The following EPN3 variants were observed in gnomAD, a reference collection of about 807,000 sequenced individuals.
The protein encoded by EPN3 is epsin-3.
Under a neutral mutation model 55.5 loss-of-function variants are expected in EPN3, and 56 were observed. That is an observed-to-expected ratio of 1.01 (90% CI 0.81 to 1.26). The LOEUF (loss-of-function observed/expected upper bound fraction) is 1.26, where lower values mean the gene tolerates loss of function less well. EPN3 is among the 50% of genes most tolerant of loss of function. The pLI, the probability that EPN3 is intolerant of heterozygous loss-of-function variation, is 0.00. For synonymous variants in EPN3, 449 were observed against 375.2 expected, an observed-to-expected ratio of 1.20 and a Z score of -2.27; for missense variants, 927 against 853.4, an observed-to-expected ratio of 1.09 and a Z score of -1.07.
At chr17:50,539,482 G>T (rs1264083381) in intron 5 of EPN3, among the ~76,000 whole-genome samples, 167 bp downstream of exon 5, 1 of 152,194 alleles carries the variant, frequency 6.6e-6, no homozygotes. Context: ...GCATGGGCTG[G>T]TGACTGAGTT....
intron 6 of EPN3, 56 bp from the exon 7 acceptor site, chr17:50,540,737 C>T: frequency 5.9e-6 from 9 of 1,528,096 alleles, no homozygotes; most frequent in Non-Finnish European, 7.9e-6. Flanking sequence ...TGGGAAGGGC[C>T]CTGGGCGAGG....
At chr17:50,535,889 A>C (rs1444151587) in intron 1 of EPN3, 1 of 152,328 alleles carries the variant, frequency 6.6e-6, no homozygotes. Context: ...GGCCGAGCAG[A>C]AGCAAGGCAA....
intron 5 of EPN3, among the ~76,000 whole-genome samples, chr17:50,539,707 T>C (rs543749486): frequency 6.6e-6 from 1 of 152,304 alleles, no homozygotes; most frequent in African/African-American, 2.4e-5. Context: ...CACATGGTGC[T>C]GAAAACACCT....
chr17:50,539,343 T>C (rs754068441), intron 5 of EPN3, 28 bp downstream of exon 5: 4 of 1,613,264 alleles, frequency 2.5e-6, no homozygotes, highest in South Asian at 1.1e-5. Context: ...GTGCTTGGGA[T>C]GGACAGGGCC....
At chr17:50,539,438 A>G (rs2034814498) in intron 5 of EPN3, 123 bp downstream of exon 5, 4 of 1,425,214 alleles carry the variant, frequency 2.8e-6, no homozygotes, top group African/African-American at 1.4e-5. Flanking sequence ...TCGATGAAAT[A>G]GGGGTGGGGG....
rs2034865994 is a variant in EPN3 at position 50,542,722 on chromosome 17, ATTG to A, written c.*568_*570del. 1 of 152,484 alleles carries A rather than the reference ATTG, an allele frequency of 6.6e-6. No homozygotes were observed. The allele number at this position is 152,484 out of a possible 1,614,324, so 9.4% of individuals were successfully genotyped here. A position where few individuals can be genotyped will look rare whatever the true frequency, so the allele number is the denominator to read the frequency against. Reference sequence around the variant, plus strand: ...GCAACGACTCTCTGAGGTAGAAAATATTGTTAATTCCGTTCAGGATCCCGGCTA... The same window carrying A: ...GCAACGACTCTCTGAGGTAGAAAATATTAATTCCGTTCAGGATCCCGGCTA... On this transcript the variant is annotated 3_prime_UTR_variant, in exon 10 of 10. Coordinates refer to ENST00000268933, the MANE Select transcript of EPN3 (RefSeq NM_017957.3).
At chr17:50,533,501 G>GTGGGC (rs2034709642) in intron 1 of EPN3, among the ~76,000 whole-genome samples, 1 of 152,212 alleles carries the variant, frequency 6.6e-6, no homozygotes, top group Non-Finnish European at 1.5e-5. Context: ...GGAAGAGGGT[G>GTGGGC]TGGGCTGGGC....
chr17:50,533,931 G>T (rs543618500), intron 1 of EPN3, among the ~76,000 whole-genome samples: 1 of 152,132 alleles, frequency 6.6e-6, no homozygotes, highest in East Asian at 1.9e-4. Context: ...TGCTGCTACC[G>T]CCACCGCCTT....
At position 50,542,000 on chromosome 17, in the gene EPN3, T is replaced by C; in HGVS notation, c.1742T>C (p.Leu581Pro). The change falls in exon 10 of 10, where the codon CTC (leucine) becomes CCC (proline). Residue 581 changes from leucine (L) to proline (P), a missense_variant. Transcript: ENST00000268933. ...GSMTYSASLP[L>P]PLSSVPAGLT... ...ATGACCTACAGCGCCTCTCTGCCCCTCCCGCTCAGCAGCGTGCCAGCTGGC... is the reference window on the plus strand; with the variant it reads ...ATGACCTACAGCGCCTCTCTGCCCCCCCCGCTCAGCAGCGTGCCAGCTGGC... The C allele has an allele frequency of 6.3e-7, 1 of 1,598,136 alleles. No homozygotes were observed. Among genetic ancestry groups the C allele is most frequent in the African/African-American group, 1.3e-5 (1 of 74,892 alleles).
intron 9 of EPN3, 61 bp from the exon 10 acceptor site, chr17:50,541,783 C>T (rs1217430097): frequency 3.7e-6 from 6 of 1,608,752 alleles, no homozygotes; most frequent in Admixed American, 3.3e-5. Context: ...TCCCAACTTC[C>T]ACGACCTCCC....
Position 50,541,244 on chromosome 17 carries a change from T to C in EPN3, c.1265T>C (p.Phe422Ser), listed in dbSNP as rs1026047392. The C allele has an allele frequency of 5.6e-6, 9 of 1,613,656 alleles. No individual in the cohort carries two copies. The highest frequency in any genetic ancestry group is 6.8e-6 in the Non-Finnish European group (8 of 1,179,982). ...TSDTPGGAST[F>S]DPFAKPPEST... Reference sequence around the variant, plus strand: ...CTCTTCCGAGGTGGTGCCTCGACCTTTGACCCATTTGCCAAACCTCCAGAA... The same window carrying C: ...CTCTTCCGAGGTGGTGCCTCGACCTCTGACCCATTTGCCAAACCTCCAGAA... Residue 422 changes from phenylalanine to serine, a missense_variant, in exon 8 of 10, where the codon TTT becomes TCT. Physicochemically the swap from Phe to Ser is radical, Grantham distance 155. Transcript: ENST00000268933.
chr17:50,540,638 C>T (rs980952662), intron 6 of EPN3, among the ~76,000 whole-genome samples, 155 bp from the exon 7 acceptor site: 2 of 152,220 alleles, frequency 1.3e-5, no homozygotes, highest in Non-Finnish European at 2.9e-5. Flanking sequence ...GGTCACTTGT[C>T]AAATAGGGGC....
At chr17:50,538,220 C>G (rs373068153) in intron 3 of EPN3, 23 bp downstream of exon 3, 3 of 1,583,228 alleles carry the variant, frequency 1.9e-6, no homozygotes, top group Non-Finnish European at 1.7e-6. Flanking sequence ...AGCCCCACTG[C>G]GGTGGGGAGG....
At position 50,540,919 on chromosome 17, in the gene EPN3, C is replaced by T; in HGVS notation, c.1106C>T (p.Ser369Phe). ...TGGGATCTGACTCCCATGCTCTCCTCCTCTGAGCCCTGGGGCAGGACCCCA... is the reference window on the plus strand; with the variant it reads ...TGGGATCTGACTCCCATGCTCTCCTTCTCTGAGCCCTGGGGCAGGACCCCA... Reference protein sequence around the residue: ...QPWDLTPMLSSSEPWGRTPVL... With the variant: ...QPWDLTPMLSFSEPWGRTPVL... Residue 369 changes from serine to phenylalanine, a missense_variant, in exon 7 of 10, where the codon TCC becomes TTC. By Grantham distance (155) the Ser-to-Phe change is radical. Coordinates refer to ENST00000268933, the MANE Select transcript of EPN3 (RefSeq NM_017957.3). 6.2e-7 allele frequency: 1 copy of T among 1,614,156 alleles called. No individual in the cohort carries two copies. The highest frequency in any genetic ancestry group is 8.5e-7 in the Non-Finnish European group (1 of 1,180,018).
chr17:50,540,951 C>T lies in EPN3; in HGVS notation c.1138C>T (p.Pro380Ser), dbSNP rs371359933. ...GCCCTGGGGCAGGACCCCAGTGCTGCCTGCTGGGCCCCCCACCACAGACCC... is the reference window on the plus strand; with the variant it reads ...GCCCTGGGGCAGGACCCCAGTGCTGTCTGCTGGGCCCCCCACCACAGACCC... ...SEPWGRTPVL[P>S]AGPPTTDPWA... The change falls in exon 7 of 10, where the codon CCT becomes TCT. Residue 380 changes from proline to serine, a missense_variant. Coordinates refer to ENST00000268933, the MANE Select transcript of EPN3 (RefSeq NM_017957.3). 3.7e-6 allele frequency: 6 copies of T among 1,613,494 alleles called. No individual in the cohort carries two copies. The African/African-American group carries it at 6.7e-5, about 18-fold the overall frequency.
At position 50,532,807 on chromosome 17, in the gene EPN3, C is replaced by G; in HGVS notation, c.-315C>G. The G allele has an allele frequency of 9.4e-7, 1 of 1,066,368 alleles. No individual in the cohort carries two copies. Among genetic ancestry groups the G allele is most frequent in the Non-Finnish European group, 1.2e-6 (1 of 808,200 alleles). 66.1% of individuals were successfully genotyped at this position (1,066,368 alleles called of 1,614,324 possible). ...CTGCTACCCATTCCAGGGACCCTGC[C>G]GCTGCCCCTCTGAGGGGTCTGCACC... is the stretch of plus-strand genomic sequence containing the variant. On this transcript the variant is annotated 5_prime_UTR_variant, in exon 1 of 10. Coordinates refer to ENST00000268933, the MANE Select transcript of EPN3 (RefSeq NM_017957.3).
In EPN3 at chr17:50,540,213, A is replaced by G. The variant is rs768795289; in HGVS notation, c.892-34A>G. On this transcript the variant is annotated intron_variant, in intron 5 of 9. Transcript: ENST00000268933. The stretch of plus-strand genomic sequence containing the variant: ...CCTGCCCTCCCTCCAGGCCCCGCCC[A>G]CTTCTGAGCCGCGGCTGCCTCTCCC... 11 of 1,583,992 alleles carry G rather than the reference A, an allele frequency of 6.9e-6. No homozygotes were observed. In the African/African-American group the frequency reaches 1.3e-4, roughly 19 times the overall value.
chr17:50,542,159 C>G lies in EPN3; in HGVS notation c.*2C>G, dbSNP rs995523519. 8 of 1,490,454 alleles carry G rather than the reference C, an allele frequency of 5.4e-6. No homozygotes were observed. Among genetic ancestry groups the G allele is most frequent in the Non-Finnish European group, 7.1e-6 (8 of 1,129,028 alleles). The allele number at this position is 1,490,454 out of a possible 1,614,324, so 92.3% of individuals were successfully genotyped here. A position where few individuals can be genotyped will look rare whatever the true frequency, so the allele number is the denominator to read the frequency against. Reference sequence around the variant, plus strand: ...ACCGGCACCAACCCCTTCCTCTGAGCCCCGCCCCGTCCCATACCGGCCTGC... The same window carrying G: ...ACCGGCACCAACCCCTTCCTCTGAGGCCCGCCCCGTCCCATACCGGCCTGC... On this transcript the variant is annotated 3_prime_UTR_variant, in exon 10 of 10. Transcript: ENST00000268933.
intron 1 of EPN3, among the ~76,000 whole-genome samples, chr17:50,533,343 C>T (rs541360188): frequency 5.3e-5 from 8 of 152,294 alleles, no homozygotes; most frequent in Admixed American, 2.6e-4. Flanking sequence ...TCTGTGCTCC[C>T]GGGATGCAGC....
Sources: gnomAD v4.1 joint callset for allele counts (sites outside exome capture counted in the v4.1 genomes callset) on GRCh38, gnomAD v4.1.1 for gene constraint, MANE v1.5 for transcripts, NCBI Gene and HGNC (gene_info 2026-07-23, HGNC 2026-07-21) for gene names.